The following DPP10 variants were observed in gnomAD, a reference collection of about 807,000 sequenced individuals.
DPP10 encodes dipeptidyl peptidase like 10, also known as inactive dipeptidyl peptidase 10.
Under a neutral mutation model 120.9 loss-of-function variants are expected in DPP10, and 33 were observed. The observed-to-expected ratio is 0.27, with a 90% CI of 0.21 to 0.37. DPP10 has a LOEUF of 0.37. DPP10 is among the 10% of genes least tolerant of loss of function. DPP10 has a pLI of 1.00. For missense variants in DPP10, 816 were observed against 942.8 expected (o/e 0.87, Z 1.76); for synonymous variants, 337 against 326.1 (o/e 1.03, Z -0.36).
At chr2:114,682,891 G>C (rs1699123040) in intron 1 of DPP10, among the ~76,000 whole-genome samples, 1 of 151,800 alleles carries the variant, frequency 6.6e-6, no homozygotes, top group Admixed American at 6.6e-5. Flanking sequence ...GACGTGCTGA[G>C]AGTATGTAAA....
intron 1 of DPP10, among the ~76,000 whole-genome samples, chr2:114,513,521 CAA>C (rs10712243): frequency 0.021 from 1,547 of 75,062 alleles, 16 homozygotes; most frequent in African/African-American, 0.072. Flanking sequence ...AACTCTACCT[CAA>C]AAAAAAAAAA....
chr2:114,735,538 T>G (rs1433675620), intron 1 of DPP10, among the ~76,000 whole-genome samples: 1 of 152,198 alleles, frequency 6.6e-6, no homozygotes, highest in Non-Finnish European at 1.5e-5. Flanking sequence ...ATCCTTCCAC[T>G]TATGAGATTT....
Position 114,458,272 on chromosome 2 carries a change from C to T in DPP10, c.60+15434C>T, listed in dbSNP as rs17712397. Among the ~76,000 whole-genome samples the T allele has an allele frequency of 5.6e-3, 848 of 152,260 alleles. 7 individuals carry two copies. Among genetic ancestry groups the T allele is most frequent in the South Asian group, 0.04 (195 of 4,826 alleles). ...TGATAGCATCTTGCTTGGCAATCTT[C>T]AAATTCTATATTAATCTAGGAACTT... On this transcript the variant is annotated intron_variant, in intron 1 of 25. Transcript: ENST00000410059.
chr2:115,616,735 C>T (rs2084534152), intron 5 of DPP10, among the ~76,000 whole-genome samples: 2 of 152,070 alleles, frequency 1.3e-5, no homozygotes, highest in South Asian at 4.1e-4. Context: ...ATTCCTTTGA[C>T]AGTGACTTCT....
intron 1 of DPP10, among the ~76,000 whole-genome samples, chr2:115,149,813 C>G (rs1344226930): frequency 6.6e-6 from 1 of 152,136 alleles, no homozygotes; most frequent in Non-Finnish European, 1.5e-5. Context: ...TTGGGACATA[C>G]TTATACTAAA....
intron 1 of DPP10, among the ~76,000 whole-genome samples, chr2:114,694,527 A>G (rs1188540500): frequency 6.6e-6 from 1 of 152,016 alleles, no homozygotes; most frequent in African/African-American, 2.4e-5. Context: ...GCAAATTAGG[A>G]CAAAATTAAT....
At chr2:114,694,608 G>A (rs976898617) in intron 1 of DPP10, among the ~76,000 whole-genome samples, 3 of 151,936 alleles carry the variant, frequency 2.0e-5, no homozygotes, top group African/African-American at 7.2e-5. Context: ...GCCAAATTCT[G>A]TGTAGGACAA....
chr2:115,689,962 T>C, intron 7 of DPP10, 41 bp downstream of exon 7: 1 of 1,564,974 alleles, frequency 6.4e-7, no homozygotes, highest in Non-Finnish European at 8.7e-7. Flanking sequence ...CTGCCAATCA[T>C]GGTTTTATGG....
At chr2:115,386,198 G>A (rs1401686766) in intron 3 of DPP10, among the ~76,000 whole-genome samples, 1 of 152,094 alleles carries the variant, frequency 6.6e-6, no homozygotes, top group South Asian at 2.1e-4. Flanking sequence ...AACAAGATAA[G>A]CAAACTTTGT....
At chr2:114,591,383 C>T (rs72953508) in intron 1 of DPP10, among the ~76,000 whole-genome samples, 3,658 of 152,198 alleles carry the variant, frequency 0.024, 150 homozygotes, top group African/African-American at 0.083. Context: ...GGTCCATCAA[C>T]GCTGATGTTG....
intron 5 of DPP10, among the ~76,000 whole-genome samples, chr2:115,672,197 G>A (rs2089927363): frequency 6.6e-6 from 1 of 152,114 alleles, no homozygotes; most frequent in South Asian, 2.1e-4. Flanking sequence ...AGACCTTGGT[G>A]TGCTTTTGAG....
Position 115,578,289 on chromosome 2 carries a change from C to A in DPP10, c.441+52317C>A, listed in dbSNP as rs373348035. ...GAAATGTAGAAGTTGACTCCAATGA[C>A]AAAATACATATGAAAAATAGTAACT... On this transcript the variant is annotated intron_variant, in intron 5 of 25. Transcript: ENST00000410059. Among the ~76,000 whole-genome samples the A allele has an allele frequency of 1.3e-3, 193 of 152,212 alleles. 2 individuals carry two copies. Among genetic ancestry groups the A allele is most frequent in the African/African-American group, 4.6e-3 (190 of 41,516 alleles).
At chr2:114,610,777 C>A (rs757904945) in intron 1 of DPP10, among the ~76,000 whole-genome samples, 1 of 152,134 alleles carries the variant, frequency 6.6e-6, no homozygotes, top group Non-Finnish European at 1.5e-5. Flanking sequence ...AGGGAGTCAG[C>A]GTCCTTCCTG....
intron 4 of DPP10, among the ~76,000 whole-genome samples, chr2:115,504,989 A>G (rs968654468): frequency 6.6e-6 from 1 of 152,082 alleles, no homozygotes; most frequent in African/African-American, 2.4e-5. Context: ...CATAGGTTTA[A>G]AGGGCTAAAA....
intron 1 of DPP10, among the ~76,000 whole-genome samples, chr2:114,529,482 G>A (rs1362575508): frequency 6.6e-6 from 1 of 152,100 alleles, no homozygotes; most frequent in East Asian, 1.9e-4. Flanking sequence ...GCTGACTCCT[G>A]TCTGCTTCTC....
chr2:115,041,857 G>A (rs2105302871), intron 1 of DPP10, among the ~76,000 whole-genome samples: 1 of 152,270 alleles, frequency 6.6e-6, no homozygotes, highest in African/African-American at 2.4e-5. Context: ...ACAGAAATAG[G>A]TGGTGCCCTT....
intron 5 of DPP10, among the ~76,000 whole-genome samples, chr2:115,685,496 G>C (rs2090939743): frequency 1.3e-5 from 2 of 151,912 alleles, no homozygotes; most frequent in East Asian, 3.9e-4. Context: ...TGGGGACAGA[G>C]ATTACATTTA....
intron 5 of DPP10, among the ~76,000 whole-genome samples, chr2:115,649,112 G>C (rs899526796): frequency 6.6e-6 from 1 of 152,080 alleles, no homozygotes; most frequent in African/African-American, 2.4e-5. Flanking sequence ...GAAAAGGAGA[G>C]GAAATAGATA....
At chr2:114,559,913 CAAAG>C (rs1453180108) in intron 1 of DPP10, among the ~76,000 whole-genome samples, 70 of 88,048 alleles carry the variant, frequency 8.0e-4, no homozygotes, top group African/African-American at 2.0e-3. Flanking sequence ...AAAAAAAAAA[CAAAG>C]GAAGGAAAGA....
Sources: gnomAD v4.1 joint callset for allele counts (sites outside exome capture counted in the v4.1 genomes callset) on GRCh38, gnomAD v4.1.1 for gene constraint, MANE v1.5 for transcripts, NCBI Gene and HGNC (gene_info 2026-07-23, HGNC 2026-07-21) for gene names.